The following ARHGAP10 variants were observed in gnomAD, a reference collection of about 807,000 sequenced individuals.
ARHGAP10 encodes Rho GTPase activating protein 10, also known as rho GTPase-activating protein 10.
In ARHGAP10, 87 loss-of-function variants were observed where a neutral mutation model predicts 108.6. That is an observed-to-expected ratio of 0.80 (90% CI 0.67 to 0.96). ARHGAP10 has a LOEUF of 0.96. Ranked by LOEUF, ARHGAP10 falls within the 40% of genes least tolerant of loss-of-function variation. The pLI, the probability that ARHGAP10 is intolerant of heterozygous loss-of-function variation, is 0.00. For synonymous variants in ARHGAP10, 347 were observed against 341.1 expected (o/e 1.02, Z -0.19); for missense variants, 939 against 954.5 (o/e 0.98, Z 0.21).
chr4:147,853,149 A>T (rs892428257), intron 4 of ARHGAP10, among the ~76,000 whole-genome samples: 2 of 152,164 alleles, frequency 1.3e-5, no homozygotes, highest in Non-Finnish European at 2.9e-5. Context: ...ACAGGGCATG[A>T]TCCCACACTC....
At chr4:147,873,681 AACACACACAC>A (rs67852364) in intron 7 of ARHGAP10, among the ~76,000 whole-genome samples, 46 of 98,744 alleles carry the variant, frequency 4.7e-4, no homozygotes, top group African/African-American at 1.4e-3. Flanking sequence ...CAAAAAACAA[AACACACACAC>A]ACACACACAC....
intron 3 of ARHGAP10, among the ~76,000 whole-genome samples, chr4:147,837,616 G>T (rs1007294363): frequency 2.2e-5 from 3 of 134,410 alleles, no homozygotes; most frequent in Non-Finnish European, 3.1e-5. Flanking sequence ...ACTAGTTGCT[G>T]CCACCTCGCT....
chr4:147,879,342 A>C lies in ARHGAP10; in HGVS notation c.939+4A>C. On this transcript the variant is annotated splice_donor_region_variant and intron_variant, in intron 9 of 22. Coordinates refer to ENST00000336498, the MANE Select transcript of ARHGAP10 (RefSeq NM_024605.4). ...GCACAGATCTGGAGGGAAACTTGTA[A>C]GTATTTGATTCAACATAGAATAGAT... The C allele has an allele frequency of 6.2e-7, 1 of 1,611,118 alleles. No homozygotes were observed.
At chr4:147,866,424 C>T (rs1325830592) in intron 6 of ARHGAP10, 1 of 274,054 alleles carries the variant, frequency 3.6e-6, no homozygotes, top group Non-Finnish European at 6.8e-6. Flanking sequence ...ATTCTCCTGA[C>T]TAAAGAGGAC....
At chr4:148,064,592 G>A (rs1042977709) in intron 22 of ARHGAP10, 85 bp downstream of exon 22, 8 of 1,260,294 alleles carry the variant, frequency 6.3e-6, no homozygotes, top group African/African-American at 4.4e-5. Flanking sequence ...CAGCGATGGT[G>A]CTGTTGTCGG....
chr4:147,760,446 T>C (rs575285171), intron 1 of ARHGAP10, among the ~76,000 whole-genome samples: 25 of 152,236 alleles, frequency 1.6e-4, no homozygotes, highest in Non-Finnish European at 3.1e-4. Flanking sequence ...TCCACATCAC[T>C]GTGTGCTGCT....
intron 1 of ARHGAP10, among the ~76,000 whole-genome samples, chr4:147,803,090 C>T (rs1387303376): frequency 3.3e-5 from 5 of 151,928 alleles, no homozygotes; most frequent in Non-Finnish European, 7.4e-5. Context: ...TACACTGCAA[C>T]CTCTGCCTCC....
intron 1 of ARHGAP10, among the ~76,000 whole-genome samples, chr4:147,805,827 A>C (rs1379010593): frequency 6.6e-6 from 1 of 152,178 alleles, no homozygotes; most frequent in African/African-American, 2.4e-5. Context: ...GATATAAAAA[A>C]GGTAAATTAA....
At chr4:148,030,446 TG>T (rs1291475899) in intron 19 of ARHGAP10, among the ~76,000 whole-genome samples, 1 of 152,206 alleles carries the variant, frequency 6.6e-6, no homozygotes, top group Non-Finnish European at 1.5e-5. Flanking sequence ...CAAGAGTGAC[TG>T]ATTTGAAACG....
At chr4:148,048,932 G>A (rs958342963) in intron 20 of ARHGAP10, among the ~76,000 whole-genome samples, 2 of 150,932 alleles carry the variant, frequency 1.3e-5, no homozygotes, top group Non-Finnish European at 2.9e-5. Flanking sequence ...GTTGGGGGGA[G>A]TAGTTGAAGC....
At chr4:147,762,595 A>G (rs1444239538) in intron 1 of ARHGAP10, among the ~76,000 whole-genome samples, 4 of 151,446 alleles carry the variant, frequency 2.6e-5, no homozygotes, top group Non-Finnish European at 5.9e-5. Flanking sequence ...CAGTGGCGCA[A>G]TCTCGGCTCC....
Position 148,042,876 on chromosome 4 carries a change from T to C in ARHGAP10, c.1868-4016T>C, listed in dbSNP as rs958912879. ...ATGAGAATCCAAAACTGTGTGCAGG[T>C]TTTGTAAGAATATGTTGGGGTCTTC... On this transcript the variant is annotated intron_variant, in intron 19 of 22. Coordinates refer to ENST00000336498, the MANE Select transcript of ARHGAP10 (RefSeq NM_024605.4). 2.0e-5 allele frequency among the ~76,000 whole-genome samples: 3 copies of C among 152,044 alleles called. No individual in the cohort carries two copies. The East Asian group carries it at 5.8e-4, about 29-fold the overall frequency.
chr4:147,909,801 A>G (rs2126915214), intron 12 of ARHGAP10, 24 bp downstream of exon 12: 1 of 1,592,750 alleles, frequency 6.3e-7, no homozygotes, highest in Non-Finnish European at 8.6e-7. Context: ...TATAAAAATG[A>G]TTGTATCCTC....
chr4:147,980,511 G>T (rs762744954), intron 18 of ARHGAP10, among the ~76,000 whole-genome samples: 1 of 152,034 alleles, frequency 6.6e-6, no homozygotes, highest in Non-Finnish European at 1.5e-5. Context: ...TTGTTGTTTT[G>T]TCTTTTCCAG....
In ARHGAP10 at chr4:147,966,859, T is replaced by C; in HGVS notation, c.1716+20T>C. On this transcript the variant is annotated intron_variant, in intron 18 of 22. Transcript: ENST00000336498. ...GAAAAGGTAAAATTTTTTTTTTCTT[T>C]AAGAGACTTTGTTTTCGGCTTGTCG... 1 of 1,544,040 alleles carries C rather than the reference T, an allele frequency of 6.5e-7. No homozygotes were observed. The highest frequency in any genetic ancestry group is 8.8e-7 in the Non-Finnish European group (1 of 1,135,068).
At chr4:147,748,618 G>A (rs1729023989) in intron 1 of ARHGAP10, among the ~76,000 whole-genome samples, 1 of 152,170 alleles carries the variant, frequency 6.6e-6, no homozygotes, top group South Asian at 2.1e-4. Context: ...TGGCTTGATG[G>A]TTTCACAGGT....
chr4:147,888,666 T>C (rs1205807226), intron 10 of ARHGAP10, among the ~76,000 whole-genome samples: 1 of 152,200 alleles, frequency 6.6e-6, no homozygotes. Context: ...CCCCCGCCCT[T>C]TAATGGTTTA....
intron 13 of ARHGAP10, among the ~76,000 whole-genome samples, chr4:147,924,857 G>T (rs1318199329): frequency 2.0e-5 from 3 of 152,146 alleles, no homozygotes; most frequent in Non-Finnish European, 2.9e-5. Context: ...GGCACCTGTT[G>T]AATAGCCAGT....
At chr4:147,789,169 G>A (rs574054768) in intron 1 of ARHGAP10, among the ~76,000 whole-genome samples, 2 of 152,170 alleles carry the variant, frequency 1.3e-5, no homozygotes, top group Admixed American at 6.5e-5. Context: ...CCATTCAGTC[G>A]TGGAGAAGTC....
Sources: allele counts gnomAD v4.1 joint callset (sites outside exome capture counted in the v4.1 genomes callset), GRCh38; gene constraint gnomAD v4.1.1; transcripts MANE v1.5; gene names NCBI Gene and HGNC (gene_info 2026-07-23, HGNC 2026-07-21).